KIF20B: variants seen among roughly 807,000 people sequenced by gnomAD.
The protein encoded by KIF20B is kinesin-like protein KIF20B.
KIF20B carries 188 observed loss-of-function variants against 232.5 expected under a neutral mutation model. That is an observed-to-expected ratio of 0.81 (90% CI 0.72 to 0.91). The LOEUF (loss-of-function observed/expected upper bound fraction) is 0.91, where lower values mean the gene tolerates loss of function less well. Ranked by LOEUF, KIF20B falls within the 40% of genes least tolerant of loss-of-function variation. The pLI, the probability that KIF20B is intolerant of heterozygous loss-of-function variation, is 0.00. For synonymous variants in KIF20B, 712 were observed against 683.0 expected, an observed-to-expected ratio of 1.04 and a Z score of -0.66; for missense variants, 2,154 against 2,055.9, an observed-to-expected ratio of 1.05 and a Z score of -0.92.
chr10:89,763,932 C>A (rs983871368), intron 29 of KIF20B, among the ~76,000 whole-genome samples: 2 of 149,342 alleles, frequency 1.3e-5, no homozygotes, highest in Non-Finnish European at 3.0e-5. Flanking sequence ...TTTTAGGGTA[C>A]ATGTGCACAA....
chr10:89,743,740 T>C, intron 21 of KIF20B, 68 bp from the exon 22 acceptor site: 1 of 1,077,434 alleles, frequency 9.3e-7, no homozygotes, highest in Non-Finnish European at 1.3e-6. Context: ...TTGCCATGAA[T>C]CTTAAATAAC....
In KIF20B at chr10:89,756,859, G is replaced by T. The variant is rs533339541; in HGVS notation, c.4504-1847G>T. 1.8e-4 allele frequency among the ~76,000 whole-genome samples: 27 copies of T among 152,006 alleles called. 1 individual carries two copies. The East Asian group carries it at 5.2e-3, about 29-fold the overall frequency. On this transcript the variant is annotated intron_variant, in intron 26 of 32. Transcript: ENST00000371728. ...GTTTCCATGCATGTATCTGGAGTTA[G>T]TCCACTTTCATTTCAGAATATTTAA...
intron 6 of KIF20B, among the ~76,000 whole-genome samples, chr10:89,711,776 CAT>C (rs1159347599): frequency 1.3e-5 from 2 of 151,968 alleles, no homozygotes; most frequent in Non-Finnish European, 2.9e-5. Flanking sequence ...TACCTTAAAT[CAT>C]GTGCGTTTTA....
Position 89,772,816 on chromosome 10 carries a change from T to C in KIF20B, c.5370T>C (p.Asp1790=). 1.9e-6 allele frequency: 3 copies of C among 1,608,646 alleles called. No homozygotes were observed. Among genetic ancestry groups the C allele is most frequent in the Non-Finnish European group, 2.5e-6 (3 of 1,177,578 alleles). ...LYTSEISSPI[D]ISGQVILMDQ... is the part of the protein sequence containing the mutation. ...CAAGTGAAATTTCATCTCCTATTGATATATCAGGCCAAGTGGTAAGCTAGT... is the reference window on the plus strand; with the variant it reads ...CAAGTGAAATTTCATCTCCTATTGACATATCAGGCCAAGTGGTAAGCTAGT... The change falls in exon 32 of 33, where the codon GAT becomes GAC. Residue 1790 remains aspartate, a synonymous_variant. Transcript: ENST00000371728.
intron 2 of KIF20B, among the ~76,000 whole-genome samples, chr10:89,706,886 A>G (rs1842734611): frequency 6.6e-6 from 1 of 152,070 alleles, no homozygotes; most frequent in Non-Finnish European, 1.5e-5. Flanking sequence ...TGGCTTTTCT[A>G]GGTCCTTTGC....
intron 29 of KIF20B, among the ~76,000 whole-genome samples, chr10:89,767,578 T>C (rs1336299308): frequency 6.6e-6 from 1 of 151,568 alleles, no homozygotes; most frequent in Non-Finnish European, 1.5e-5. Flanking sequence ...TTCCTGAACT[T>C]TTATCTTTGG....
chr10:89,746,831 A>G (rs1841920490), intron 23 of KIF20B, among the ~76,000 whole-genome samples: 2 of 33,922 alleles, frequency 5.9e-5, no homozygotes. Flanking sequence ...TGAGGGCAAC[A>G]TAAGATGCAG....
In KIF20B at chr10:89,707,348, A is replaced by G. The variant is rs557960895; in HGVS notation, c.148-1819A>G. The stretch of plus-strand genomic sequence containing the variant: ...AGTGCTCCCTCCCATCACACCTCCA[A>G]GTAACCTCTGATTAGCATTTTGTTA... On this transcript the variant is annotated intron_variant, in intron 2 of 32. Coordinates refer to ENST00000371728, the MANE Select transcript of KIF20B (RefSeq NM_001284259.2). Among the ~76,000 whole-genome samples the G allele has an allele frequency of 2.6e-5, 4 of 152,210 alleles. No individual in the cohort carries two copies. In the South Asian group the frequency reaches 6.2e-4, roughly 24 times the overall value.
At chr10:89,718,501 A>T (rs1437514618) in intron 11 of KIF20B, among the ~76,000 whole-genome samples, 1 of 152,198 alleles carries the variant, frequency 6.6e-6, no homozygotes, top group Non-Finnish European at 1.5e-5. Flanking sequence ...ACCGAGCTAG[A>T]CCCTGTCTCA....
At chr10:89,762,919 C>A in intron 29 of KIF20B, 84 bp downstream of exon 29, 1 of 972,078 alleles carries the variant, frequency 1.0e-6, no homozygotes. Flanking sequence ...GCTATATTGC[C>A]CTCCTGTTCA....
At chr10:89,716,775 CTCTT>C (rs1842943681) in intron 9 of KIF20B, among the ~76,000 whole-genome samples, 1 of 152,116 alleles carries the variant, frequency 6.6e-6, no homozygotes, top group African/African-American at 2.4e-5. Flanking sequence ...GGTATTTTTA[CTCTT>C]TCTTTATGTC....
intron 21 of KIF20B, among the ~76,000 whole-genome samples, chr10:89,742,699 CTT>C (rs34668146): frequency 3.0e-4 from 35 of 118,218 alleles, no homozygotes; most frequent in African/African-American, 7.8e-4. Flanking sequence ...ATCTTCAAGC[CTT>C]TTTTTTTTTT....
intron 19 of KIF20B, among the ~76,000 whole-genome samples, chr10:89,736,940 A>G (rs1377995424): frequency 2.0e-5 from 3 of 152,094 alleles, no homozygotes; most frequent in African/African-American, 7.2e-5. Flanking sequence ...CCATTTGCCT[A>G]TTGCTAATAT....
rs373622507 is a variant in KIF20B at position 89,758,715 on chromosome 10, A to G, written c.4513A>G (p.Thr1505Ala). The G allele has an allele frequency of 4.4e-6, 7 of 1,581,066 alleles. No individual in the cohort carries two copies. Among genetic ancestry groups the G allele is most frequent in the Admixed American group, 1.9e-5 (1 of 53,496 alleles). ...TTTATTTCCTGATTAGGAAATACTG[A>G]CAGCCCAGCTGACAGAGAAAGATAG... is the stretch of plus-strand genomic sequence containing the variant. ...FKQQNEMEIL[T>A]AQLTEKDSDL... Residue 1505 changes from threonine to alanine, a missense_variant, in exon 27 of 33, where the codon ACA becomes GCA. Thr to Ala is a moderately conservative substitution (Grantham distance 58). Coordinates refer to ENST00000371728, the MANE Select transcript of KIF20B (RefSeq NM_001284259.2).
At chr10:89,758,616 TTTA>T (rs1842179459) in intron 26 of KIF20B, 87 bp from the exon 27 acceptor site, 3 of 827,436 alleles carry the variant, frequency 3.6e-6, no homozygotes, top group Non-Finnish European at 5.2e-6. Context: ...TGCAGCTATA[TTTA>T]TGGTGTTACA....
intron 11 of KIF20B, 45 bp from the exon 12 acceptor site, chr10:89,718,665 A>G (rs1842985292): frequency 6.9e-7 from 1 of 1,446,466 alleles, no homozygotes; most frequent in South Asian, 1.2e-5. Context: ...TGATTTCATG[A>G]GATGTTTTTT....
intron 29 of KIF20B, chr10:89,766,258 A>G (rs1399272992): frequency 1.3e-5 from 2 of 152,092 alleles, no homozygotes; most frequent in Non-Finnish European, 2.9e-5. Context: ...CATTTCATCT[A>G]AAAAGCAGAG....
chr10:89,724,359 T>A (rs1362299245), intron 14 of KIF20B, among the ~76,000 whole-genome samples: 1 of 152,090 alleles, frequency 6.6e-6, no homozygotes. Context: ...AAACCTCGTC[T>A]GTACTAAAAA....
intron 9 of KIF20B, 35 bp downstream of exon 9, chr10:89,716,582 C>A: frequency 1.0e-6 from 1 of 968,952 alleles, no homozygotes; most frequent in South Asian, 1.4e-5. Context: ...AAACTCGAAT[C>A]ACCGATAGTA....
Sources: gnomAD v4.1 joint callset for allele counts (sites outside exome capture counted in the v4.1 genomes callset) on GRCh38, gnomAD v4.1.1 for gene constraint, MANE v1.5 for transcripts, NCBI Gene and HGNC (gene_info 2026-07-23, HGNC 2026-07-21) for gene names.